GLB1: variants seen among roughly 807,000 people sequenced by gnomAD.
GLB1 encodes the protein beta-galactosidase.
GLB1 carries 56 observed loss-of-function variants against 74.0 expected under a neutral mutation model. The observed-to-expected ratio is 0.76, with a 90% CI of 0.61 to 0.94. The LOEUF (loss-of-function observed/expected upper bound fraction) is 0.94. Ranked by LOEUF, GLB1 falls within the 40% of genes least tolerant of loss-of-function variation. The pLI is 0.00. For missense variants in GLB1, 787 were observed against 845.5 expected, an observed-to-expected ratio of 0.93 and a Z score of 0.86; for synonymous variants, 323 against 323.6, an observed-to-expected ratio of 1.00 and a Z score of 0.02.
At chr3:33,033,673 C>G (rs1018202397) in intron 10 of GLB1, among the ~76,000 whole-genome samples, 2 of 150,934 alleles carry the variant, frequency 1.3e-5, no homozygotes, top group African/African-American at 4.9e-5. Flanking sequence ...CCCAGTCACT[C>G]AGGAGGCTGA....
At chr3:33,061,892 C>T (rs753018348) in intron 5 of GLB1, among the ~76,000 whole-genome samples, 2 of 152,196 alleles carry the variant, frequency 1.3e-5, no homozygotes, top group Non-Finnish European at 2.9e-5. Flanking sequence ...GAAACATCTG[C>T]ATATCTGACT....
intron 10 of GLB1, among the ~76,000 whole-genome samples, chr3:33,036,184 T>TCCCAG (rs1239433285): frequency 6.6e-6 from 1 of 152,148 alleles, no homozygotes; most frequent in East Asian, 1.9e-4. Context: ...CAGCAGTGGT[T>TCCCAG]CATAGAGCAG....
intron 15 of GLB1, among the ~76,000 whole-genome samples, chr3:33,005,309 C>T (rs1389221096): frequency 6.6e-6 from 1 of 152,152 alleles, no homozygotes; most frequent in African/African-American, 2.4e-5. Flanking sequence ...TCTTACTATA[C>T]TATTCCCTTG....
intron 9 of GLB1, among the ~76,000 whole-genome samples, chr3:33,048,175 A>T (rs556241144): frequency 6.6e-6 from 1 of 152,068 alleles, no homozygotes; most frequent in South Asian, 2.1e-4. Context: ...TTGAGTTGGG[A>T]AAGTGTGACC....
the GLB1 span, among the ~76,000 whole-genome samples, chr3:32,967,068 A>G: frequency 3.3e-5 from 5 of 152,242 alleles, no homozygotes; most frequent in Non-Finnish European, 2.9e-5. Context: ...AGGATCAGGA[A>G]CAAGACTAGG....
chr3:32,992,957 C>T (rs1696248560), downstream of GLB1, among the ~76,000 whole-genome samples: 1 of 152,246 alleles, frequency 6.6e-6, no homozygotes, highest in South Asian at 2.1e-4. Context: ...CAGAAACCAC[C>T]TGGCCCCACT....
At chr3:33,088,368 T>TACACACACAC (rs55949952) in intron 1 of GLB1, among the ~76,000 whole-genome samples, 5 of 141,720 alleles carry the variant, frequency 3.5e-5, no homozygotes, top group Non-Finnish European at 7.7e-5. Flanking sequence ...CCCTAAAGAC[T>TACACACACAC]ACACACACAC....
At position 33,053,661 on chromosome 3, in the gene GLB1, A is replaced by G. The variant is rs80059915; in HGVS notation, c.734-112T>C. ...GAAGCCCTGCTACGGTCAGAATGTTAGTATCCCCCCAAAATTCTCATGTTG... is the reference window on the plus strand; with the variant it reads ...GAAGCCCTGCTACGGTCAGAATGTTGGTATCCCCCCAAAATTCTCATGTTG... On this transcript the variant is annotated intron_variant, in intron 6 of 15. Coordinates refer to ENST00000307363, the MANE Select transcript of GLB1 (RefSeq NM_000404.4). 86,288 of 1,399,438 alleles carry G rather than the reference A, an allele frequency of 0.062. 7,764 individuals are homozygous for G. Among genetic ancestry groups the G allele is most frequent in the East Asian group, 0.47 (19,509 of 41,820 alleles). 86.7% of individuals were successfully genotyped at this position (1,399,438 alleles called of 1,614,324 possible).
intron 10 of GLB1, among the ~76,000 whole-genome samples, chr3:33,037,582 C>T (rs1186045889): frequency 6.6e-6 from 1 of 152,076 alleles, no homozygotes; most frequent in Non-Finnish European, 1.5e-5. Flanking sequence ...TAACTCTTAC[C>T]TAGAAAAAAC....
At chr3:33,011,165 C>G (rs1167457175) in intron 15 of GLB1, among the ~76,000 whole-genome samples, 1 of 151,992 alleles carries the variant, frequency 6.6e-6, no homozygotes, top group Admixed American at 6.6e-5. Flanking sequence ...GTAAAACATA[C>G]TTTTTAATAA....
chr3:33,050,038 C>G (rs1199157010), intron 9 of GLB1, among the ~76,000 whole-genome samples: 2 of 152,118 alleles, frequency 1.3e-5, no homozygotes, highest in African/African-American at 4.8e-5. Context: ...AGCTGGGCAT[C>G]CTCCATGATT....
chr3:33,093,216 T>C lies in GLB1; in HGVS notation c.75+3795A>G. 6.2e-7 allele frequency: 1 copy of C among 1,606,088 alleles called. No individual in the cohort carries two copies. The highest frequency in any genetic ancestry group is 8.5e-7 in the Non-Finnish European group (1 of 1,179,904). Reference sequence around the variant, plus strand: ...GTCCACCCCAGCCAAGCAGATCCAGTCCTCATCCTCACTCCCACTGCCACT... The same window carrying C: ...GTCCACCCCAGCCAAGCAGATCCAGCCCTCATCCTCACTCCCACTGCCACT... On this transcript the variant is annotated intron_variant, in intron 1 of 15. Coordinates refer to ENST00000307363, the MANE Select transcript of GLB1 (RefSeq NM_000404.4). The surrounding 1 kb of genome is among the most constrained non-coding windows in gnomAD (Gnocchi z 6.0).
chr3:33,076,763 A>ACC lies in GLB1; in HGVS notation c.76-4051_76-4050insGG, dbSNP rs149042186. ...TCATCGTAATTTACAGGGAGAAAAA[A>ACC]TTCATTGGTCACTTTTGGAGACTGC... On this transcript the variant is annotated intron_variant, in intron 1 of 15. Coordinates refer to ENST00000307363, the MANE Select transcript of GLB1 (RefSeq NM_000404.4). Among the ~76,000 whole-genome samples the ACC allele has an allele frequency of 3.0e-3, 461 of 152,330 alleles. 1 individual carries two copies. Among genetic ancestry groups the ACC allele is most frequent in the African/African-American group, 0.011 (437 of 41,576 alleles).
chr3:33,002,349 CT>C (rs1696611544), intron 15 of GLB1, among the ~76,000 whole-genome samples: 1 of 123,096 alleles, frequency 8.1e-6, no homozygotes. Context: ...CCCTCCCTCC[CT>C]TCCTTCCTTC....
intron 15 of GLB1, among the ~76,000 whole-genome samples, chr3:33,010,831 TA>T (rs1696987952): frequency 6.9e-6 from 1 of 145,878 alleles, no homozygotes; most frequent in African/African-American, 2.6e-5. Flanking sequence ...ATGTGGAAAT[TA>T]AACAGCATAC....
At chr3:33,030,629 T>G (rs772452406) in intron 10 of GLB1, 28 of 985,302 alleles carry the variant, frequency 2.8e-5, no homozygotes, top group Non-Finnish European at 3.3e-5. Flanking sequence ...TTCATTAAGC[T>G]TTTGAAGTAC....
Position 33,024,307 on chromosome 3 carries a change from C to T in GLB1, c.1087G>A (p.Gly363Ser). ...IIQKFEKVPE[G>S]PIPPSTPKFA... ...TTTGGTGTAGATGGAGGGATAGGAC[C>T]TTCTGGTACTTTTTCAAACTATAAA... Residue 363 changes from glycine (G) to serine (S), a missense_variant, in exon 11 of 16, where the codon GGT becomes AGT. By Grantham distance (56) the Gly-to-Ser change is moderately conservative. Transcript: ENST00000307363. 1 of 1,600,052 alleles carries T rather than the reference C, an allele frequency of 6.2e-7. No homozygotes were observed.
At chr3:33,052,175 T>C (rs1396172984) in intron 7 of GLB1, among the ~76,000 whole-genome samples, 171 bp from the exon 8 acceptor site, 3 of 152,194 alleles carry the variant, frequency 2.0e-5, no homozygotes, top group Admixed American at 6.5e-5. Flanking sequence ...GCAATGCCTA[T>C]GTTCAGTCCT....
chr3:33,020,735 T>C (rs1697433146), intron 12 of GLB1, among the ~76,000 whole-genome samples: 1 of 152,206 alleles, frequency 6.6e-6, no homozygotes, highest in African/African-American at 2.4e-5. Flanking sequence ...GACTATAGAA[T>C]TTATATTAGA....
Sources: allele counts gnomAD v4.1 joint callset (sites outside exome capture counted in the v4.1 genomes callset), GRCh38; gene constraint gnomAD v4.1.1; non-coding constraint Gnocchi (gnomAD v3.1); transcripts MANE v1.5; gene names NCBI Gene and HGNC (gene_info 2026-07-23, HGNC 2026-07-21).